Variants in DLC1 observed in about 807,000 individuals in gnomAD.
DLC1 encodes the protein DLC1 Rho GTPase activating protein.
A neutral mutation model predicts 140.3 loss-of-function variants in DLC1; 54 were observed. The ratio of observed to expected loss-of-function variants is 0.38; its 90% CI spans 0.31 to 0.48. The LOEUF is 0.48. Among genes scored for constraint, DLC1 ranks in the 20% least tolerant of loss-of-function variants. DLC1 has a pLI of 0.96. For missense variants in DLC1, 2,536 were observed against 1,907.0 expected, an observed-to-expected ratio of 1.33 and a Z score of -6.14; for synonymous variants, 986 against 728.1, an observed-to-expected ratio of 1.35 and a Z score of -5.70.
At chr8:13,588,410 CA>C (rs1805404219) in intron 1 of DLC1, among the ~76,000 whole-genome samples, 1 of 151,948 alleles carries the variant, frequency 6.6e-6, no homozygotes, top group East Asian at 1.9e-4. Context: ...ATTCATTCCA[CA>C]GTAGTTGAGA....
intron 5 of DLC1, among the ~76,000 whole-genome samples, chr8:13,278,182 T>C (rs1454725733): frequency 6.6e-6 from 1 of 152,216 alleles, no homozygotes; most frequent in African/African-American, 2.4e-5. Flanking sequence ...GAATGCATGC[T>C]AACTGCTGAT....
At chr8:13,243,565 C>G (rs544161154) in intron 5 of DLC1, among the ~76,000 whole-genome samples, 1 of 152,254 alleles carries the variant, frequency 6.6e-6, no homozygotes, top group African/African-American at 2.4e-5. Flanking sequence ...GGTTTGTTAA[C>G]AATAGGAACA....
Position 13,270,112 on chromosome 8 carries a change from T to G in DLC1, c.1348+35157A>C, listed in dbSNP as rs146590730. Among the ~76,000 whole-genome samples, 498 of 152,146 alleles carry G rather than the reference T, an allele frequency of 3.3e-3. 5 individuals are homozygous for G. The highest frequency in any genetic ancestry group is 0.014 in the Admixed American group (210 of 15,290). On this transcript the variant is annotated intron_variant, in intron 5 of 17. Coordinates refer to ENST00000276297, the MANE Select transcript of DLC1 (RefSeq NM_182643.3). The stretch of plus-strand genomic sequence containing the variant: ...TTCAAGTTTAACTGCCAACTATACC[T>G]AAATAATTCATTTGAAATAGAGAAC...
At chr8:13,255,052 C>A (rs1000942062) in intron 5 of DLC1, among the ~76,000 whole-genome samples, 59 of 152,164 alleles carry the variant, frequency 3.9e-4, no homozygotes, top group African/African-American at 1.3e-3. Context: ...TCTCGGCTCA[C>A]TGCAACCTCT....
chr8:13,394,580 G>C (rs1836929792), intron 3 of DLC1, among the ~76,000 whole-genome samples: 2 of 152,092 alleles, frequency 1.3e-5, no homozygotes, highest in South Asian at 2.1e-4. Flanking sequence ...AGAGGGGATG[G>C]AGCAAAGGCA....
intron 1 of DLC1, among the ~76,000 whole-genome samples, chr8:13,554,911 A>G (rs559218284): frequency 4.6e-5 from 7 of 152,310 alleles, no homozygotes; most frequent in East Asian, 1.9e-4. Flanking sequence ...GCCCTACATG[A>G]TTGGGTTTTC....
chr8:13,119,890 T>A (rs1393075358), intron 5 of DLC1, among the ~76,000 whole-genome samples: 4 of 150,838 alleles, frequency 2.7e-5, no homozygotes, highest in Non-Finnish European at 4.4e-5. Context: ...AAGACCAGCC[T>A]GGGCAATACA....
intron 6 of DLC1, among the ~76,000 whole-genome samples, chr8:13,111,817 T>C (rs1265758285): frequency 6.6e-6 from 1 of 151,878 alleles, no homozygotes; most frequent in East Asian, 1.9e-4. Context: ...AAATCAGTCA[T>C]CACAGCAGGA....
At chr8:13,139,710 A>G (rs191662874) in intron 5 of DLC1, among the ~76,000 whole-genome samples, 30 of 152,362 alleles carry the variant, frequency 2.0e-4, no homozygotes, top group Admixed American at 1.3e-3. Context: ...AATGAACCCA[A>G]AAGTTCTGGC....
At chr8:13,451,037 CAAAA>C (rs1169620786) in intron 2 of DLC1, among the ~76,000 whole-genome samples, 2 of 18,368 alleles carry the variant, frequency 1.1e-4, no homozygotes, top group Admixed American at 1.0e-3. Flanking sequence ...GACTCCGTCT[CAAAA>C]AAAAAAAAAA....
At chr8:13,140,035 C>T (rs1442636186) in intron 5 of DLC1, among the ~76,000 whole-genome samples, 4 of 152,148 alleles carry the variant, frequency 2.6e-5, no homozygotes, top group African/African-American at 7.2e-5. Context: ...CCACCTGAAG[C>T]TCAACAATAA....
intron 5 of DLC1, among the ~76,000 whole-genome samples, chr8:13,202,206 A>G (rs1314071932): frequency 1.3e-5 from 2 of 152,058 alleles, no homozygotes; most frequent in Non-Finnish European, 2.9e-5. Context: ...GGCCTCCTAA[A>G]GTGCTGGGAT....
chr8:13,103,236 G>C (rs1052741846), intron 7 of DLC1, among the ~76,000 whole-genome samples: 4 of 151,914 alleles, frequency 2.6e-5, no homozygotes, highest in Non-Finnish European at 4.4e-5. Context: ...GCGTGAACCC[G>C]GGAGGCGGAG....
At chr8:13,220,141 C>A (rs1828469999) in intron 5 of DLC1, among the ~76,000 whole-genome samples, 1 of 151,990 alleles carries the variant, frequency 6.6e-6, no homozygotes, top group Non-Finnish European at 1.5e-5. Context: ...ACAAAATGCC[C>A]TTGGATTGTA....
intron 4 of DLC1, among the ~76,000 whole-genome samples, chr8:13,331,168 T>C (rs1324184108): frequency 6.6e-6 from 1 of 152,212 alleles, no homozygotes; most frequent in South Asian, 2.1e-4. Context: ...TGGGACACTA[T>C]ACAGATTGGT....
chr8:13,219,376 A>ACT (rs367548713), intron 5 of DLC1, among the ~76,000 whole-genome samples: 11 of 116,754 alleles, frequency 9.4e-5, no homozygotes, highest in African/African-American at 3.3e-4. Flanking sequence ...ATATACTTAT[A>ACT]TAATTATATT....
chr8:13,463,526 A>G lies in DLC1; in HGVS notation c.1023+35523T>C, dbSNP rs540800254. Among the ~76,000 whole-genome samples, 5 of 152,290 alleles carry G rather than the reference A, an allele frequency of 3.3e-5. No homozygotes were observed. The East Asian group carries it at 9.6e-4, about 29-fold the overall frequency. ...ATTTCTTATGGATGTTTGTTCATGA[A>G]AAGGCTTTACTTGTGTTTACCTTTG... On this transcript the variant is annotated intron_variant, in intron 2 of 17. Transcript: ENST00000276297.
At chr8:13,467,394 C>A (rs1313997650) in intron 2 of DLC1, among the ~76,000 whole-genome samples, 1 of 151,776 alleles carries the variant, frequency 6.6e-6, no homozygotes, top group African/African-American at 2.4e-5. Context: ...CCTCCCCTCT[C>A]CTTTTTCTGT....
intron 1 of DLC1, among the ~76,000 whole-genome samples, chr8:13,552,790 A>T (rs147916967): frequency 1.3e-5 from 2 of 152,106 alleles, no homozygotes; most frequent in Middle Eastern, 3.6e-3. Context: ...AAAAACTCAC[A>T]TGTATTGTCA....
Sources: gnomAD v4.1 joint callset for allele counts (sites outside exome capture counted in the v4.1 genomes callset) on GRCh38, gnomAD v4.1.1 for gene constraint, MANE v1.5 for transcripts, NCBI Gene and HGNC (gene_info 2026-07-23, HGNC 2026-07-21) for gene names.